Variants in PTPRT observed in about 807,000 individuals in gnomAD.
PTPRT encodes the protein receptor-type tyrosine-protein phosphatase T.
Under a neutral mutation model 176.8 loss-of-function variants are expected in PTPRT, and 56 were observed. That is an observed-to-expected ratio of 0.32 (90% confidence interval 0.26 to 0.40). PTPRT has a LOEUF of 0.40. Ranked by LOEUF, PTPRT falls within the 10% of genes least tolerant of loss-of-function variation. The pLI is 1.00. For synonymous variants in PTPRT, 783 were observed against 739.0 expected (o/e 1.06, Z -0.96); for missense variants, 1,540 against 1,908.2 (o/e 0.81, Z 3.60).
chr20:42,976,572 AT>A (rs946627695), intron 1 of PTPRT, among the ~76,000 whole-genome samples: 1 of 151,678 alleles, frequency 6.6e-6, no homozygotes, highest in Non-Finnish European at 1.5e-5. Context: ...CACCTGGCTG[AT>A]TTTTTTCATT....
At chr20:42,559,528 G>C (rs1328880570) in intron 7 of PTPRT, among the ~76,000 whole-genome samples, 1 of 152,040 alleles carries the variant, frequency 6.6e-6, no homozygotes. Flanking sequence ...ATGTCTAAAG[G>C]CATGCCATTA....
chr20:43,063,782 A>T (rs941687265), intron 1 of PTPRT, among the ~76,000 whole-genome samples: 2 of 152,224 alleles, frequency 1.3e-5, no homozygotes, highest in Admixed American at 1.3e-4. Flanking sequence ...AACCACTGAA[A>T]TACAGCTCCT....
intron 15 of PTPRT, among the ~76,000 whole-genome samples, chr20:42,202,415 G>C (rs145682101): frequency 0.014 from 2,200 of 152,264 alleles, 22 homozygotes; most frequent in Middle Eastern, 0.044. Flanking sequence ...TCATTATAAT[G>C]CTTTGGCCAC....
intron 8 of PTPRT, among the ~76,000 whole-genome samples, chr20:42,470,529 C>T (rs2071174909): frequency 1.3e-5 from 2 of 152,086 alleles, no homozygotes; most frequent in African/African-American, 2.4e-5. Flanking sequence ...TATCTAAAGC[C>T]ATCCCACAAG....
intron 1 of PTPRT, among the ~76,000 whole-genome samples, chr20:43,150,222 C>T (rs1301363634): frequency 6.6e-6 from 1 of 152,150 alleles, no homozygotes; most frequent in African/African-American, 2.4e-5. Context: ...TAGCCACACT[C>T]GAAAGGCTGC....
chr20:42,214,828 A>G (rs2055730836), intron 15 of PTPRT, among the ~76,000 whole-genome samples: 1 of 152,234 alleles, frequency 6.6e-6, no homozygotes, highest in South Asian at 2.1e-4. Context: ...CCTGGGCCCT[A>G]AAGCAGAGCC....
chr20:42,159,997 C>G (rs1303238824), intron 17 of PTPRT, among the ~76,000 whole-genome samples: 2 of 152,134 alleles, frequency 1.3e-5, no homozygotes, highest in Non-Finnish European at 2.9e-5. Flanking sequence ...TTTGTAAGCT[C>G]TTTCTCAGAA....
intron 15 of PTPRT, among the ~76,000 whole-genome samples, chr20:42,219,451 G>T (rs1409754202): frequency 6.6e-6 from 1 of 152,098 alleles, no homozygotes; most frequent in Non-Finnish European, 1.5e-5. Flanking sequence ...TCTAGATAGG[G>T]GGTTGTCCAT....
At chr20:42,144,158 G>C (rs1301736276) in intron 17 of PTPRT, among the ~76,000 whole-genome samples, 5 of 152,176 alleles carry the variant, frequency 3.3e-5, no homozygotes, top group East Asian at 1.9e-4. Context: ...GTGAAGGAAG[G>C]AGAGGAAAGA....
At chr20:43,166,477 C>T (rs1241428897) in intron 1 of PTPRT, among the ~76,000 whole-genome samples, 1 of 152,102 alleles carries the variant, frequency 6.6e-6, no homozygotes, top group Admixed American at 6.5e-5. Flanking sequence ...CTTGGAGACA[C>T]GATGTCTTAG....
intron 8 of PTPRT, among the ~76,000 whole-genome samples, chr20:42,469,500 C>T (rs557979293): frequency 9.9e-5 from 15 of 152,244 alleles, no homozygotes; most frequent in African/African-American, 3.6e-4. Flanking sequence ...CCATGTCTGG[C>T]CAATTAATTC....
chr20:42,601,994 G>A (rs2073791269), intron 7 of PTPRT, among the ~76,000 whole-genome samples: 1 of 152,168 alleles, frequency 6.6e-6, no homozygotes, highest in Non-Finnish European at 1.5e-5. Context: ...GACCATTTAT[G>A]AAAATAATAA....
intron 16 of PTPRT, among the ~76,000 whole-genome samples, chr20:42,184,613 T>TCC (rs1165718599): frequency 3.3e-4 from 44 of 131,490 alleles, no homozygotes; most frequent in African/African-American, 1.2e-3. Flanking sequence ...CTTCTTCTTC[T>TCC]TCTCCTCCTT....
At chr20:42,509,787 T>C (rs945839377) in intron 7 of PTPRT, among the ~76,000 whole-genome samples, 7 of 152,102 alleles carry the variant, frequency 4.6e-5, no homozygotes, top group African/African-American at 1.7e-4. Flanking sequence ...CAGACTGATG[T>C]GTCTTATTTA....
chr20:42,945,168 A>G (rs895737023), intron 1 of PTPRT, among the ~76,000 whole-genome samples: 4 of 150,854 alleles, frequency 2.7e-5, no homozygotes, highest in Non-Finnish European at 5.9e-5. Context: ...CATTTATTAT[A>G]ATGTAACTCT....
At chr20:42,702,633 T>C (rs2075991261) in intron 6 of PTPRT, among the ~76,000 whole-genome samples, 1 of 152,170 alleles carries the variant, frequency 6.6e-6, no homozygotes, top group Non-Finnish European at 1.5e-5. Flanking sequence ...CCCTGTGTCC[T>C]GTAATGAATG....
intron 7 of PTPRT, among the ~76,000 whole-genome samples, chr20:42,569,881 G>T (rs910355805): frequency 6.6e-6 from 1 of 152,138 alleles, no homozygotes; most frequent in Non-Finnish European, 1.5e-5. Context: ...TATTCATGTT[G>T]TATGTCACTG....
intron 12 of PTPRT, among the ~76,000 whole-genome samples, chr20:42,291,326 G>A (rs2057313446): frequency 6.6e-6 from 1 of 152,178 alleles, no homozygotes; most frequent in Admixed American, 6.5e-5. Context: ...TGTCCTCATA[G>A]AGCATGCAGA....
At chr20:43,140,217 G>A (rs2013959179) in intron 1 of PTPRT, among the ~76,000 whole-genome samples, 1 of 152,044 alleles carries the variant, frequency 6.6e-6, no homozygotes, top group South Asian at 2.1e-4. Flanking sequence ...CATCGATCTT[G>A]GATATTGTTC....
Sources: allele counts gnomAD v4.1 joint callset (sites outside exome capture counted in the v4.1 genomes callset), GRCh38; gene constraint gnomAD v4.1.1; transcripts MANE v1.5; gene names NCBI Gene and HGNC (gene_info 2026-07-23, HGNC 2026-07-21).